The following GLRA3 variants were observed in gnomAD, a reference collection of about 807,000 sequenced individuals.
GLRA3 encodes glycine receptor subunit alpha-3.
A neutral mutation model predicts 60.4 loss-of-function variants in GLRA3; 44 were observed. That is an observed-to-expected ratio of 0.73 (90% CI 0.57 to 0.94). The LOEUF (loss-of-function observed/expected upper bound fraction) is 0.94, where lower values mean the gene tolerates loss of function less well. Ranked by LOEUF, GLRA3 falls within the 40% of genes least tolerant of loss-of-function variation. GLRA3 has a pLI of 0.00. For missense variants in GLRA3, 508 were observed against 564.6 expected (o/e 0.90, Z 1.02); for synonymous variants, 223 against 192.9 (o/e 1.16, Z -1.29).
chr4:174,812,246 T>G (rs988667430), intron 1 of GLRA3, among the ~76,000 whole-genome samples: 1 of 152,164 alleles, frequency 6.6e-6, no homozygotes, highest in African/African-American at 2.4e-5. Flanking sequence ...CATAAAAGCA[T>G]GATATTTTGA....
chr4:174,692,520 T>C (rs1238190696), intron 5 of GLRA3, among the ~76,000 whole-genome samples: 2 of 150,132 alleles, frequency 1.3e-5, no homozygotes, highest in East Asian at 3.9e-4. Context: ...GGGGAAAAGA[T>C]TGAGAAATCG....
intron 1 of GLRA3, among the ~76,000 whole-genome samples, chr4:174,809,077 G>A (rs1200667650): frequency 6.6e-6 from 1 of 152,108 alleles, no homozygotes; most frequent in Non-Finnish European, 1.5e-5. Context: ...ACTTAATACT[G>A]CAAGCGCCAT....
At chr4:174,663,305 C>T (rs1299317754) in intron 7 of GLRA3, among the ~76,000 whole-genome samples, 1 of 151,984 alleles carries the variant, frequency 6.6e-6, no homozygotes, top group Admixed American at 6.6e-5. Flanking sequence ...GTAATTCGGC[C>T]AGAAATTTCT....
At chr4:174,737,438 G>T (rs1736844864) in intron 3 of GLRA3, among the ~76,000 whole-genome samples, 1 of 152,142 alleles carries the variant, frequency 6.6e-6, no homozygotes, top group Non-Finnish European at 1.5e-5. Flanking sequence ...TCCTCAGTAA[G>T]AAAACTGAAC....
intron 9 of GLRA3, among the ~76,000 whole-genome samples, chr4:174,647,289 G>T (rs190157212): frequency 2.6e-5 from 4 of 151,802 alleles, no homozygotes; most frequent in African/African-American, 9.7e-5. Flanking sequence ...GCGCCTGTGG[G>T]CCCAGCTACT....
intron 1 of GLRA3, among the ~76,000 whole-genome samples, chr4:174,791,875 G>T (rs1214275214): frequency 1.3e-5 from 2 of 152,072 alleles, no homozygotes; most frequent in South Asian, 2.1e-4. Flanking sequence ...TTTTTAAATG[G>T]ACTTTTTTGA....
chr4:174,703,432 A>C (rs1735399798), intron 5 of GLRA3, among the ~76,000 whole-genome samples: 1 of 152,180 alleles, frequency 6.6e-6, no homozygotes, highest in Admixed American at 6.5e-5. Context: ...CCTTTTCAAA[A>C]AATAGATTAT....
At chr4:174,660,058 G>GTATA (rs1240746531) in intron 7 of GLRA3, among the ~76,000 whole-genome samples, 3 of 150,396 alleles carry the variant, frequency 2.0e-5, no homozygotes, top group Non-Finnish European at 4.4e-5. Context: ...GTATGTGTGT[G>GTATA]TATATATATA....
chr4:174,681,607 G>A (rs1172357257), intron 6 of GLRA3, among the ~76,000 whole-genome samples: 1 of 152,060 alleles, frequency 6.6e-6, no homozygotes, highest in Non-Finnish European at 1.5e-5. Flanking sequence ...GAAGAGACAG[G>A]GAACAACTCT....
intron 7 of GLRA3, among the ~76,000 whole-genome samples, chr4:174,669,327 T>G (rs1484290363): frequency 6.6e-6 from 1 of 151,662 alleles, no homozygotes; most frequent in Non-Finnish European, 1.5e-5. Flanking sequence ...GGTGTTGAAG[T>G]GGAATGAAGC....
chr4:174,659,258 C>G (rs1169797443), intron 7 of GLRA3, 61 bp from the exon 8 acceptor site: 2 of 1,262,096 alleles, frequency 1.6e-6, no homozygotes, highest in Non-Finnish European at 1.1e-6. Context: ...CCTTTGAGAA[C>G]AAAACTGAGT....
At chr4:174,708,538 T>C (rs2111073469) in intron 5 of GLRA3, among the ~76,000 whole-genome samples, 1 of 151,992 alleles carries the variant, frequency 6.6e-6, no homozygotes, top group East Asian at 1.9e-4. Context: ...CAGACAATAC[T>C]TCTTCACTGA....
At chr4:174,762,474 T>C (rs1208101929) in intron 3 of GLRA3, among the ~76,000 whole-genome samples, 1 of 152,146 alleles carries the variant, frequency 6.6e-6, no homozygotes, top group East Asian at 1.9e-4. Context: ...TTCTTCAAGA[T>C]TATTCATTTT....
chr4:174,793,419 CATTCATTTATTTATTT>C (rs747813233), intron 1 of GLRA3, among the ~76,000 whole-genome samples: 2,052 of 89,808 alleles, frequency 0.023, 18 homozygotes, highest in Middle Eastern at 0.065. Flanking sequence ...TCAAAATTTA[CATTCATTTATTTATTT>C]ATTTATTTAT....
chr4:174,778,104 C>G (rs1738680733), intron 2 of GLRA3, among the ~76,000 whole-genome samples: 1 of 151,940 alleles, frequency 6.6e-6, no homozygotes, highest in Non-Finnish European at 1.5e-5. Context: ...TCCCTTAATT[C>G]TTAACCTGGC....
intron 2 of GLRA3, among the ~76,000 whole-genome samples, chr4:174,780,901 TCAA>T (rs1360219357): frequency 7.9e-5 from 12 of 152,054 alleles, no homozygotes; most frequent in African/African-American, 2.9e-4. Flanking sequence ...ATTAGACGGA[TCAA>T]CGAGACAGAA....
rs1732633865 is a variant in GLRA3, at chr4:174,641,930, T to G, written c.*1856A>C. ...TGCTCTAATCTTTAGAACAAGAATATGTTTCCATGGTTTTGTTAAATACAC... is the reference window on the plus strand; with the variant it reads ...TGCTCTAATCTTTAGAACAAGAATAGGTTTCCATGGTTTTGTTAAATACAC... On this transcript the variant is annotated 3_prime_UTR_variant, in exon 10 of 10. Transcript: ENST00000274093. 6.5e-6 allele frequency: 1 copy of G among 153,090 alleles called. No homozygotes were observed. The highest frequency in any genetic ancestry group is 2.1e-4 in the South Asian group (1 of 4,848). The allele number at this position is 153,090 out of a possible 1,614,324, so 9.5% of individuals were successfully genotyped here. A position where few individuals can be genotyped will look rare whatever the true frequency, so the allele number is the denominator to read the frequency against.
intron 3 of GLRA3, among the ~76,000 whole-genome samples, chr4:174,738,683 C>T (rs1160633283): frequency 6.6e-6 from 1 of 152,098 alleles, no homozygotes; most frequent in Non-Finnish European, 1.5e-5. Flanking sequence ...TATTTCTTTT[C>T]TCTGTAAAAT....
intron 4 of GLRA3, among the ~76,000 whole-genome samples, chr4:174,720,573 C>T (rs1420156538): frequency 6.6e-6 from 1 of 152,130 alleles, no homozygotes; most frequent in Non-Finnish European, 1.5e-5. Flanking sequence ...CTCCTTGATC[C>T]TCTTGTGCTC....
Sources: gnomAD v4.1 joint callset for allele counts (sites outside exome capture counted in the v4.1 genomes callset) on GRCh38, gnomAD v4.1.1 for gene constraint, MANE v1.5 for transcripts, NCBI Gene and HGNC (gene_info 2026-07-23, HGNC 2026-07-21) for gene names.